TRARG1: variants seen among roughly 807,000 people sequenced by gnomAD.
TRARG1 encodes the protein trafficking regulator of GLUT4 (SLC2A4) 1 (gene/pseudogene), also known as trafficking regulator of GLUT4 1.
In TRARG1, 16 loss-of-function variants were observed where a neutral mutation model predicts 13.3. That is an observed-to-expected ratio of 1.20 (90% CI 0.81 to 1.83). The LOEUF (loss-of-function observed/expected upper bound fraction) is 1.83, where lower values mean the gene tolerates loss of function less well. Ranked by LOEUF, TRARG1 falls within the 40% of genes most tolerant of loss-of-function variation. The pLI, the probability that TRARG1 is intolerant of heterozygous loss-of-function variation, is 0.00. For missense variants in TRARG1, 250 were observed against 237.4 expected (o/e 1.05, Z -0.35); for synonymous variants, 113 against 106.2 (o/e 1.06, Z -0.39).
rs374796467 is a variant in TRARG1, at chr17:1,282,265, CAT to C, written c.387+1882_387+1883del. Reference sequence around the variant, plus strand: ...ATGCACGTATATGTACGTATATGTACATATATGCACGTATATGTACATATATG... The same window carrying C: ...ATGCACGTATATGTACGTATATGTACATATGCACGTATATGTACATATATG... On this transcript the variant is annotated intron_variant, in intron 1 of 2. Transcript: ENST00000333813. Among the ~76,000 whole-genome samples the C allele has an allele frequency of 8.1e-3, 436 of 53,942 alleles. 11 individuals are homozygous for C. The highest frequency in any genetic ancestry group is 0.017 in the East Asian group (14 of 842). 35.4% of individuals were successfully genotyped at this position (53,942 alleles called of 152,430 possible).
At chr17:1,288,361 ATGGG>A (rs1261345020) in intron 1 of TRARG1, among the ~76,000 whole-genome samples, 3 of 73,642 alleles carry the variant, frequency 4.1e-5, no homozygotes, top group South Asian at 1.1e-3. Context: ...CCCATCCCCC[ATGGG>A]CTCCCCATCC....
At position 1,282,236 on chromosome 17, in the gene TRARG1, G is replaced by GTATATGTACGTATATGTACA. The variant is rs1567928220; in HGVS notation, c.387+1854_387+1855insTACGTATATGTACATATATG. 9.4e-5 allele frequency among the ~76,000 whole-genome samples: 12 copies of GTATATGTACGTATATGTACA among 128,068 alleles called. No individual in the cohort carries two copies. In the South Asian group the frequency reaches 1.5e-3, roughly 16 times the overall value. The allele number at this position is 128,068 out of a possible 152,430, so 84.0% of individuals were successfully genotyped here. On this transcript the variant is annotated intron_variant, in intron 1 of 2. Transcript: ENST00000333813. ...TACGTATACACGTGCGTATATGTAC[G>GTATATGTACGTATATGTACA]TATATGCACGTATATGTACGTATAT...
At chr17:1,282,316 A>ATGTG (rs1434707182) in intron 1 of TRARG1, among the ~76,000 whole-genome samples, 6 of 117,218 alleles carry the variant, frequency 5.1e-5, no homozygotes, top group African/African-American at 1.3e-4. Flanking sequence ...ATATGCGTAT[A>ATGTG]TATGTACATA....
intron 1 of TRARG1, among the ~76,000 whole-genome samples, chr17:1,286,569 TCAGCC>T (rs2072025241): frequency 7.4e-6 from 1 of 135,014 alleles, no homozygotes; most frequent in African/African-American, 3.0e-5. Context: ...TGGGGTGTTG[TCAGCC>T]TGTGGGGTGT....
At chr17:1,297,751 G>A (rs566597555) in intron 2 of TRARG1, among the ~76,000 whole-genome samples, 9 of 151,926 alleles carry the variant, frequency 5.9e-5, no homozygotes, top group Admixed American at 2.6e-4. Flanking sequence ...ATACAGGCAC[G>A]TGCCACCACG....
At chr17:1,283,325 C>A (rs1157130387) in intron 1 of TRARG1, among the ~76,000 whole-genome samples, 2 of 152,120 alleles carry the variant, frequency 1.3e-5, no homozygotes, top group Non-Finnish European at 2.9e-5. Flanking sequence ...GGGGCTCTTA[C>A]AGGATAATGG....
At chr17:1,291,303 G>T (rs1022160601) in intron 1 of TRARG1, among the ~76,000 whole-genome samples, 1 of 152,130 alleles carries the variant, frequency 6.6e-6, no homozygotes, top group East Asian at 1.9e-4. Flanking sequence ...TGGAGACAGG[G>T]TTTTGCCATG....
Position 1,298,292 on chromosome 17 carries a change from G to A in TRARG1, c.*28G>A, listed in dbSNP as rs773441877. 1.9e-6 allele frequency: 3 copies of A among 1,611,652 alleles called. No individual in the cohort carries two copies. The East Asian group carries it at 6.7e-5, about 36-fold the overall frequency. Reference sequence around the variant, plus strand: ...TTAAGCAGGGAGCTGGGCTAGCAGAGGCCGGCCCTGGCCATCGGGAGAGCT... The same window carrying A: ...TTAAGCAGGGAGCTGGGCTAGCAGAAGCCGGCCCTGGCCATCGGGAGAGCT... On this transcript the variant is annotated 3_prime_UTR_variant, in exon 3 of 3. Transcript: ENST00000333813.
At chr17:1,295,212 T>A (rs942459373) in intron 1 of TRARG1, among the ~76,000 whole-genome samples, 4 of 152,148 alleles carry the variant, frequency 2.6e-5, no homozygotes, top group African/African-American at 9.7e-5. Context: ...CACCGCCACC[T>A]CCTCCACCGC....
chr17:1,282,219 C>CGTAT (rs1567928157), intron 1 of TRARG1, among the ~76,000 whole-genome samples: 1 of 115,206 alleles, frequency 8.7e-6, no homozygotes, highest in East Asian at 3.0e-4. Context: ...TGTACGTATA[C>CGTAT]ACGTGCGTAT....
Position 1,299,136 on chromosome 17 carries a change from G to A in TRARG1, c.*872G>A, listed in dbSNP as rs9909671. 42,110 of 152,214 alleles carry A rather than the reference G, an allele frequency of 0.28. 6,470 individuals are homozygous for A. The highest frequency in any genetic ancestry group is 0.44 in the South Asian group (2,136 of 4,816). 9.4% of individuals were successfully genotyped at this position (152,214 alleles called of 1,614,324 possible). ...GAGGTCTGAGCTCTCGTCCTGCCGT[G>A]GCCCCCGCGATGGCCTGGGGTGCAA... On this transcript the variant is annotated 3_prime_UTR_variant, in exon 3 of 3. Transcript: ENST00000333813.
intron 2 of TRARG1, 90 bp downstream of exon 2, chr17:1,295,713 T>C (rs1401667535): frequency 6.9e-7 from 1 of 1,445,316 alleles, no homozygotes; most frequent in Non-Finnish European, 9.2e-7. Flanking sequence ...GCAGAGGTGG[T>C]GGGTTGGGGG....
chr17:1,282,079 T>TATATACAC (rs1567927985), intron 1 of TRARG1, among the ~76,000 whole-genome samples: 29 of 44,850 alleles, frequency 6.5e-4, no homozygotes, highest in African/African-American at 2.0e-3. Context: ...CATATATACA[T>TATATACAC]ATATGTACAT....
intron 2 of TRARG1, 87 bp from the exon 3 acceptor site, chr17:1,298,164 A>T: frequency 6.4e-7 from 1 of 1,567,220 alleles, no homozygotes; most frequent in Non-Finnish European, 8.8e-7. Flanking sequence ...TCCCACTGGG[A>T]ACCAGAAACC....
intron 1 of TRARG1, among the ~76,000 whole-genome samples, chr17:1,282,293 T>TACGTATATGC (rs1567928351): frequency 1.2e-4 from 18 of 147,000 alleles, no homozygotes; most frequent in African/African-American, 4.5e-4. Flanking sequence ...TACATATATG[T>TACGTATATGC]ACGTATATGT....
At chr17:1,289,616 C>T (rs965377174) in intron 1 of TRARG1, among the ~76,000 whole-genome samples, 2 of 151,184 alleles carry the variant, frequency 1.3e-5, no homozygotes, top group African/African-American at 4.9e-5. Context: ...CTCCCACCCT[C>T]TCCCACTCCT....
chr17:1,286,869 G>A (rs191652223), intron 1 of TRARG1, among the ~76,000 whole-genome samples: 1 of 152,010 alleles, frequency 6.6e-6, no homozygotes, highest in African/African-American at 2.4e-5. Flanking sequence ...CCTGTGGAGT[G>A]TTGTTATTGG....
rs1176913011 is a variant in TRARG1, at chr17:1,279,878, C to A, written c.-124C>A. The A allele has an allele frequency of 2.5e-6, 3 of 1,187,710 alleles. No homozygotes were observed. Among genetic ancestry groups the A allele is most frequent in the Non-Finnish European group, 3.5e-6 (3 of 865,442 alleles). 73.6% of individuals were successfully genotyped at this position (1,187,710 alleles called of 1,614,324 possible). On this transcript the variant is annotated 5_prime_UTR_variant, in exon 1 of 3. Coordinates refer to ENST00000333813, the MANE Select transcript of TRARG1 (RefSeq NM_172367.3). ...CCAGCACCCAGCCGGCCCTCCGTCT[C>A]CTGAGGGACGCCCCTGCCCCCGACC...
intron 1 of TRARG1, among the ~76,000 whole-genome samples, chr17:1,294,528 G>A (rs1375539092): frequency 5.2e-5 from 7 of 135,544 alleles, no homozygotes; most frequent in African/African-American, 8.6e-5. Flanking sequence ...GTGCAATGGC[G>A]CAATCTTGGC....
Sources: allele counts gnomAD v4.1 joint callset (sites outside exome capture counted in the v4.1 genomes callset), GRCh38; gene constraint gnomAD v4.1.1; transcripts MANE v1.5; gene names NCBI Gene and HGNC (gene_info 2026-07-23, HGNC 2026-07-21).